Variants in LPA observed in about 807,000 individuals in gnomAD.
LPA encodes lipoprotein(a).
LPA carries 199 observed loss-of-function variants against 197.9 expected under a neutral mutation model. That is an observed-to-expected ratio of 1.01 (90% CI 0.90 to 1.13). The LOEUF (loss-of-function observed/expected upper bound fraction) is 1.13. Ranked by LOEUF, LPA falls within the 50% of genes most tolerant of loss-of-function variation. The pLI is 0.00. For synonymous variants in LPA, 715 were observed against 639.5 expected (o/e 1.12, Z -1.78); for missense variants, 1,853 against 1,785.8 (o/e 1.04, Z -0.68).
intron 6 of LPA, among the ~76,000 whole-genome samples, chr6:160,635,551 G>C (rs1182900788): frequency 2.4e-5 from 3 of 122,562 alleles, no homozygotes; most frequent in African/African-American, 6.9e-5. Flanking sequence ...ACGCTTCTTA[G>C]AAACACTGAG....
chr6:160,661,253 C>T lies in LPA; in HGVS notation c.49+2913G>A, dbSNP rs570605845. Among the ~76,000 whole-genome samples the T allele has an allele frequency of 3.9e-5, 6 of 152,320 alleles. No homozygotes were observed. In the South Asian group the frequency reaches 1.2e-3, roughly 32 times the overall value. On this transcript the variant is annotated intron_variant, in intron 1 of 38. Coordinates refer to ENST00000316300, the MANE Select transcript of LPA (RefSeq NM_005577.4). ...TTAAGCAACAGGACAACCTTGACCA[C>T]TTTGAGGGGTGTGGTGGGGGCCACA... is the stretch of plus-strand genomic sequence containing the variant.
chr6:160,592,085 C>T (rs1160301531), intron 22 of LPA, among the ~76,000 whole-genome samples: 7 of 152,166 alleles, frequency 4.6e-5, no homozygotes, highest in African/African-American at 9.7e-5. Context: ...ATTTGTCAGC[C>T]GTCATGGCTT....
rs543207421 is a variant in LPA at position 160,611,548 on chromosome 6, G to C, written c.2603+14C>G. Reference sequence around the variant, plus strand: ...TGGCCCTTTATTCTCTTATGGTAAAGAACAAAGACATACGCATTTGGGTAG... The same window carrying C: ...TGGCCCTTTATTCTCTTATGGTAAACAACAAAGACATACGCATTTGGGTAG... On this transcript the variant is annotated intron_variant, in intron 16 of 38. Coordinates refer to ENST00000316300, the MANE Select transcript of LPA (RefSeq NM_005577.4). 3.1e-5 allele frequency: 50 copies of C among 1,606,954 alleles called. No homozygotes were observed. In the African/African-American group the frequency reaches 5.9e-4, roughly 19 times the overall value.
intron 33 of LPA, 52 bp from the exon 34 acceptor site, chr6:160,542,860 G>A: frequency 6.2e-7 from 1 of 1,612,226 alleles, no homozygotes. Flanking sequence ...GTTAGCAATT[G>A]TGTCGTTTAA....
intron 16 of LPA, among the ~76,000 whole-genome samples, chr6:160,608,423 C>G (rs1200615587): frequency 6.6e-6 from 1 of 152,144 alleles, no homozygotes; most frequent in Non-Finnish European, 1.5e-5. Flanking sequence ...CGGTATCTGG[C>G]TTCCAGTGTT....
At chr6:160,592,675 T>C (rs992993818) in intron 22 of LPA, among the ~76,000 whole-genome samples, 7 of 152,010 alleles carry the variant, frequency 4.6e-5, no homozygotes, top group Admixed American at 4.6e-4. Flanking sequence ...CTAAGGAGGG[T>C]TGAGTTTACT....
chr6:160,610,280 A>G (rs1232611683), intron 16 of LPA, among the ~76,000 whole-genome samples: 1 of 152,134 alleles, frequency 6.6e-6, no homozygotes, highest in Non-Finnish European at 1.5e-5. Flanking sequence ...TCTCACAGGC[A>G]CTTCATTGAT....
chr6:160,567,374 C>T (rs1778476180), intron 28 of LPA, among the ~76,000 whole-genome samples: 1 of 152,208 alleles, frequency 6.6e-6, no homozygotes, highest in African/African-American at 2.4e-5. Context: ...GGAAACTGAA[C>T]AACCTGCACC....
intron 28 of LPA, among the ~76,000 whole-genome samples, chr6:160,572,694 G>C (rs144978135): frequency 5.6e-4 from 86 of 152,214 alleles, no homozygotes; most frequent in Non-Finnish European, 4.4e-4. Context: ...CAAAATTCTT[G>C]ACTGATAATT....
Position 160,646,934 on chromosome 6 carries a change from C to T in LPA, c.210-539G>A, listed in dbSNP as rs116187392. 7.0e-3 allele frequency among the ~76,000 whole-genome samples: 1,062 copies of T among 151,144 alleles called. 22 individuals are homozygous for T. The highest frequency in any genetic ancestry group is 0.025 in the African/African-American group (1,021 of 40,520). The stretch of plus-strand genomic sequence containing the variant: ...CTCTCACACTCCATGTACTCAAAAC[C>T]TAGTGAAAAGGCTCTACCTTTCCCA... On this transcript the variant is annotated intron_variant, in intron 2 of 38. Transcript: ENST00000316300.
In LPA at chr6:160,590,969, C is replaced by T. The variant is rs530552170; in HGVS notation, c.3762G>A (p.Ala1254=). ...CTTGTTCAGAAACAGCCGTGGACGT[C>T]GCAAGGACACTTGATTCTGTCACTG... ...QCPVTESSVL[A]TSTAVSEQAP... Residue 1254 remains alanine (A), a synonymous_variant, in exon 23 of 39, where the codon GCG becomes GCA. Coordinates refer to ENST00000316300, the MANE Select transcript of LPA (RefSeq NM_005577.4). The T allele has an allele frequency of 3.1e-5, 50 of 1,613,994 alleles. 1 individual carries two copies. In the African/African-American group the frequency reaches 5.1e-4, roughly 16 times the overall value.
At chr6:160,647,035 A>G (rs1242917243) in intron 2 of LPA, among the ~76,000 whole-genome samples, 2 of 152,158 alleles carry the variant, frequency 1.3e-5, no homozygotes, top group South Asian at 4.1e-4. Flanking sequence ...TGTTTCTGCA[A>G]GACTTCTCAA....
chr6:160,605,258 A>G (rs1779323713), intron 17 of LPA, 53 bp from the exon 18 acceptor site: 1 of 1,601,648 alleles, frequency 6.2e-7, no homozygotes, highest in African/African-American at 1.3e-5. Context: ...AGAGACAAAC[A>G]TGTGAAGCCA....
At chr6:160,553,460 GTTTA>G (rs2115008135) in intron 30 of LPA, among the ~76,000 whole-genome samples, 1 of 152,034 alleles carries the variant, frequency 6.6e-6, no homozygotes, top group African/African-American at 2.4e-5. Flanking sequence ...GGGTTTTTTT[GTTTA>G]TTTGTTTGTT....
intron 26 of LPA, among the ~76,000 whole-genome samples, chr6:160,581,200 C>A (rs1485181440): frequency 6.6e-6 from 1 of 152,058 alleles, no homozygotes; most frequent in Non-Finnish European, 1.5e-5. Context: ...AATTGCTTTG[C>A]TACCTGTATT....
chr6:160,558,010 C>G (rs749470594), intron 28 of LPA, among the ~76,000 whole-genome samples: 2 of 151,744 alleles, frequency 1.3e-5, no homozygotes, highest in Non-Finnish European at 2.9e-5. Flanking sequence ...AGGTCTGCCT[C>G]CTGGGTTCAA....
chr6:160,647,744 A>T (rs900496945), intron 2 of LPA, among the ~76,000 whole-genome samples: 3 of 152,160 alleles, frequency 2.0e-5, no homozygotes, highest in African/African-American at 7.2e-5. Flanking sequence ...CTTCCAATTA[A>T]TCCCTACATG....
At chr6:160,571,864 C>T (rs1291291712) in intron 28 of LPA, among the ~76,000 whole-genome samples, 1 of 152,132 alleles carries the variant, frequency 6.6e-6, no homozygotes, top group Non-Finnish European at 1.5e-5. Context: ...GGCTTCAGCC[C>T]TTTCTTCACG....
At chr6:160,610,990 T>A (rs1274742193) in intron 16 of LPA, among the ~76,000 whole-genome samples, 2 of 152,168 alleles carry the variant, frequency 1.3e-5, no homozygotes, top group Non-Finnish European at 2.9e-5. Context: ...CTTTTCAGCA[T>A]CCCTCTCTGT....
Sources: allele counts gnomAD v4.1 joint callset (sites outside exome capture counted in the v4.1 genomes callset), GRCh38; gene constraint gnomAD v4.1.1; transcripts MANE v1.5; gene names NCBI Gene and HGNC (gene_info 2026-07-23, HGNC 2026-07-21).